LRMDA: variants seen among roughly 807,000 people sequenced by gnomAD.
The protein encoded by LRMDA is leucine rich melanocyte differentiation associated, also known as leucine-rich melanocyte differentiation-associated protein.
In LRMDA, 18 loss-of-function variants were observed where a neutral mutation model predicts 29.8. The observed-to-expected ratio is 0.60, with a 90% CI of 0.42 to 0.90. The LOEUF is 0.90. Ranked by LOEUF, LRMDA falls within the 40% of genes least tolerant of loss-of-function variation. The pLI is 0.00. For synonymous variants in LRMDA, 125 were observed against 109.4 expected, an observed-to-expected ratio of 1.14 and a Z score of -0.89; for missense variants, 273 against 273.9, an observed-to-expected ratio of 1.00 and a Z score of 0.02.
At chr10:75,972,204 G>A (rs1332588589) in intron 2 of LRMDA, among the ~76,000 whole-genome samples, 1 of 152,076 alleles carries the variant, frequency 6.6e-6, no homozygotes, top group Non-Finnish European at 1.5e-5. Flanking sequence ...TTAAGAATTA[G>A]CATCTGAATT....
chr10:76,329,149 A>T (rs1043586234), intron 6 of LRMDA, among the ~76,000 whole-genome samples: 7 of 152,176 alleles, frequency 4.6e-5, no homozygotes, highest in Non-Finnish European at 8.8e-5. Flanking sequence ...ATACTCCAGC[A>T]TCTCTCTTTG....
intron 2 of LRMDA, among the ~76,000 whole-genome samples, chr10:75,650,767 G>A (rs1481790239): frequency 6.6e-6 from 1 of 152,146 alleles, no homozygotes; most frequent in African/African-American, 2.4e-5. Context: ...GTGAGTGTGA[G>A]GGCCACCATC....
chr10:75,761,793 TG>T (rs1458623377), intron 2 of LRMDA, among the ~76,000 whole-genome samples: 74 of 140,302 alleles, frequency 5.3e-4, no homozygotes, highest in African/African-American at 2.3e-3. Context: ...GGTATACTTT[TG>T]TTTTTTTTTT....
At chr10:75,556,320 C>G (rs142298014) in intron 2 of LRMDA, among the ~76,000 whole-genome samples, 85 of 152,246 alleles carry the variant, frequency 5.6e-4, no homozygotes, top group African/African-American at 1.7e-3. Flanking sequence ...AATGTCTCAT[C>G]AGAAATAGCA....
At chr10:76,233,273 G>C (rs947887408) in intron 5 of LRMDA, among the ~76,000 whole-genome samples, 1 of 152,178 alleles carries the variant, frequency 6.6e-6, no homozygotes. Context: ...AGTCTGTGAG[G>C]TGTATGATAA....
At chr10:75,524,436 C>G (rs1430284338) in intron 2 of LRMDA, among the ~76,000 whole-genome samples, 1 of 151,862 alleles carries the variant, frequency 6.6e-6, no homozygotes, top group Non-Finnish European at 1.5e-5. Flanking sequence ...AATTTAGGGT[C>G]TTGGTGATGA....
At chr10:75,564,532 T>C (rs368683491) in intron 2 of LRMDA, among the ~76,000 whole-genome samples, 15 of 152,244 alleles carry the variant, frequency 9.9e-5, no homozygotes, top group African/African-American at 3.6e-4. Flanking sequence ...CATGGTGCGC[T>C]GCACCCACTG....
intron 2 of LRMDA, among the ~76,000 whole-genome samples, chr10:75,846,165 TTGTGTGTGTGTTTGTGTG>T (rs1039084877): frequency 4.3e-5 from 5 of 116,008 alleles, no homozygotes; most frequent in African/African-American, 1.7e-4. Flanking sequence ...TGTTACTTAT[TTGTGTGTGTGTTTGTGTG>T]TGTGTGTGTG....
At chr10:75,572,446 C>T in intron 2 of LRMDA, among the ~76,000 whole-genome samples, 1 of 152,002 alleles carries the variant, frequency 6.6e-6, no homozygotes, top group East Asian at 1.9e-4. Flanking sequence ...AGAACAATGC[C>T]TACCACATAG....
intron 2 of LRMDA, chr10:75,643,094 CATTAAAAAAAAATTTTTTTTTGACA>C (rs537604866): frequency 1.7e-4 from 26 of 152,078 alleles, no homozygotes; most frequent in African/African-American, 5.5e-4. Context: ...CTTTTTAAAA[CATTAAAAAAAAATTTTTTTTTGACA>C]ATTTCTCTTA....
intron 6 of LRMDA, among the ~76,000 whole-genome samples, chr10:76,479,218 T>G (rs1295803216): frequency 6.6e-6 from 1 of 151,904 alleles, no homozygotes; most frequent in Non-Finnish European, 1.5e-5. Flanking sequence ...ATTTTCTTAT[T>G]TGTGGACCTT....
intron 5 of LRMDA, among the ~76,000 whole-genome samples, chr10:76,238,469 G>GC (rs1852202597): frequency 1.3e-5 from 2 of 151,056 alleles, no homozygotes; most frequent in African/African-American, 4.9e-5. Flanking sequence ...AAGGAATAAG[G>GC]ACCCCCCCGC....
chr10:75,536,573 C>T (rs983348914), intron 2 of LRMDA, among the ~76,000 whole-genome samples: 1 of 152,116 alleles, frequency 6.6e-6, no homozygotes, highest in Non-Finnish European at 1.5e-5. Context: ...TTTATTGTAG[C>T]ATTTTTAGGA....
intron 6 of LRMDA, among the ~76,000 whole-genome samples, chr10:76,471,173 T>A (rs1050008993): frequency 1.8e-4 from 28 of 151,628 alleles, no homozygotes; most frequent in African/African-American, 6.5e-4. Flanking sequence ...TATAACAAGC[T>A]CTATGAATAT....
At chr10:75,801,931 G>C (rs1020472579) in intron 2 of LRMDA, among the ~76,000 whole-genome samples, 1 of 152,140 alleles carries the variant, frequency 6.6e-6, no homozygotes, top group Non-Finnish European at 1.5e-5. Context: ...TATGTGCTGT[G>C]TATGATGCTA....
chr10:76,146,577 A>G (rs576084807), intron 5 of LRMDA, among the ~76,000 whole-genome samples: 2 of 152,130 alleles, frequency 1.3e-5, no homozygotes, highest in East Asian at 3.9e-4. Flanking sequence ...TTTTGAGCCT[A>G]TATGTCTCTG....
intron 6 of LRMDA, among the ~76,000 whole-genome samples, chr10:76,462,004 G>C (rs1334587775): frequency 6.7e-6 from 1 of 149,310 alleles, no homozygotes; most frequent in East Asian, 2.0e-4. Flanking sequence ...GGGAGGTCAA[G>C]GCTGCAGTGA....
intron 5 of LRMDA, among the ~76,000 whole-genome samples, chr10:76,060,346 C>G (rs1366805813): frequency 1.3e-5 from 2 of 152,160 alleles, no homozygotes; most frequent in Non-Finnish European, 1.5e-5. Flanking sequence ...TAGTACCCAC[C>G]ATATCTGGAT....
intron 5 of LRMDA, among the ~76,000 whole-genome samples, chr10:76,161,565 G>A (rs1850648000): frequency 6.6e-6 from 1 of 152,184 alleles, no homozygotes; most frequent in South Asian, 2.1e-4. Flanking sequence ...CAAATACATT[G>A]TCATATGACA....
Sources: gnomAD v4.1 joint callset for allele counts (sites outside exome capture counted in the v4.1 genomes callset) on GRCh38, gnomAD v4.1.1 for gene constraint, MANE v1.5 for transcripts, NCBI Gene and HGNC (gene_info 2026-07-23, HGNC 2026-07-21) for gene names.